The following GNGT2 variants were observed in gnomAD, a reference collection of about 807,000 sequenced individuals.
The protein encoded by GNGT2 is G protein subunit gamma transducin 2.
A neutral mutation model predicts 3.5 loss-of-function variants in GNGT2; 4 were observed. The observed-to-expected ratio is 1.13, with a 90% CI of 0.56 to 2.59. The LOEUF is 2.59. Among genes scored for constraint, GNGT2 ranks in the 30% most tolerant of loss-of-function variants. The probability of loss-of-function intolerance (pLI) is 0.02; values close to 1 mark genes in which losing one functional copy is unlikely to be tolerated. For missense variants in GNGT2, 64 were observed against 81.2 expected (o/e 0.79, Z 0.82); for synonymous variants, 31 against 29.5 (o/e 1.05, Z -0.17).
intron 3 of GNGT2, 127 bp downstream of exon 3, chr17:49,207,212 C>T (rs1309107504): frequency 3.8e-6 from 3 of 791,720 alleles, no homozygotes; most frequent in East Asian, 2.4e-5. Flanking sequence ...CCTACCCCAT[C>T]CCAGAGGTAC....
chr17:49,206,797 T>C lies in GNGT2; in HGVS notation c.170A>G (p.Lys57Arg), dbSNP rs960525700. The change falls in exon 4 of 4, where the codon AAG becomes AGG. Residue 57 changes from lysine (K) to arginine (R), a missense_variant. Physicochemically the swap from Lys to Arg is conservative, Grantham distance 26. Transcript: ENST00000507680. The part of the protein sequence containing the change: ...DPFLKGIPED[K>R]NPFKEKGGCL... The stretch of plus-strand genomic sequence containing the variant: ...GCCACCTTTCTCCTTGAAGGGATTC[T>C]TGTCCTCAGGGATGCCTTTGAGAAA... 12 of 1,613,752 alleles carry C rather than the reference T, an allele frequency of 7.4e-6. No individual in the cohort carries two copies. In the Admixed American group the frequency reaches 1.5e-4, roughly 20 times the overall value.
chr17:49,208,687 A>G (rs2043129109), intron 2 of GNGT2, among the ~76,000 whole-genome samples, 158 bp downstream of exon 2: 1 of 152,128 alleles, frequency 6.6e-6, no homozygotes, highest in Admixed American at 6.5e-5. Flanking sequence ...ATAATATACT[A>G]CCTGGCACAT....
Position 49,206,860 on chromosome 17 carries a change from A to G in GNGT2, c.107T>C (p.Ile36Thr), listed in dbSNP as rs1201692943. ...RIPISKAGKEIKEYVEAQAGN... is the reference protein window; with the variant it reads ...RIPISKAGKETKEYVEAQAGN... ...TGCTTGGGCCTCCACGTACTCCTTG[A>G]TTTCCTTTCCCGCTTTGGAAATCTG... Residue 36 changes from isoleucine to threonine, a missense_variant, in exon 4 of 4, where the codon ATC becomes ACC. Physicochemically the swap from Ile to Thr is moderately conservative, Grantham distance 89. Coordinates refer to ENST00000507680, the MANE Select transcript of GNGT2 (RefSeq NM_001198754.2). 2 of 1,613,804 alleles carry G rather than the reference A, an allele frequency of 1.2e-6. No homozygotes were observed. The highest frequency in any genetic ancestry group is 3.3e-5 in the Admixed American group (2 of 59,948).
chr17:49,207,196 C>A, intron 3 of GNGT2, 143 bp downstream of exon 3: 1 of 753,928 alleles, frequency 1.3e-6, no homozygotes, highest in Non-Finnish European at 2.4e-6. Flanking sequence ...CAGCCTTTCT[C>A]TGCATCCTAC....
chr17:49,208,097 G>A (rs796114051), intron 2 of GNGT2, among the ~76,000 whole-genome samples: 13 of 152,158 alleles, frequency 8.5e-5, no homozygotes, highest in African/African-American at 2.4e-4. Flanking sequence ...CCTGGGAGGC[G>A]AAGGTTGCAG....
rs764490517 is a variant in GNGT2 at position 49,206,787 on chromosome 17, G to A, written c.180C>T (p.Phe60=). The change falls in exon 4 of 4, where the codon TTC becomes TTT. Residue 60 remains phenylalanine, a synonymous_variant. Coordinates refer to ENST00000507680, the MANE Select transcript of GNGT2 (RefSeq NM_001198754.2). The part of the protein sequence containing the change: ...LKGIPEDKNP[F]KEKGGCLIS ...TTATCAGACAGCCACCTTTCTCCTT[G>A]AAGGGATTCTTGTCCTCAGGGATGC... The A allele has an allele frequency of 3.1e-6, 5 of 1,613,868 alleles. No individual in the cohort carries two copies. The South Asian group carries it at 4.4e-5, about 14-fold the overall frequency.
intron 3 of GNGT2, 53 bp from the exon 4 acceptor site, chr17:49,206,935 G>A: frequency 6.2e-7 from 1 of 1,604,750 alleles, no homozygotes; most frequent in Non-Finnish European, 8.5e-7. Context: ...CTGGGTCCAT[G>A]ATTTGGTCAG....
Position 49,210,036 on chromosome 17 carries a change from A to C in GNGT2, c.-133+408T>G, listed in dbSNP as rs910705671. Among the ~76,000 whole-genome samples, 1 of 152,104 alleles carries C rather than the reference A, an allele frequency of 6.6e-6. No homozygotes were observed. Among genetic ancestry groups the C allele is most frequent in the African/African-American group, 2.4e-5 (1 of 41,398 alleles). On this transcript the variant is annotated intron_variant, in intron 1 of 3. Transcript: ENST00000507680. The surrounding 1 kb of genome is among the most constrained non-coding windows in gnomAD (Gnocchi z 4.2). The stretch of plus-strand genomic sequence containing the variant: ...GTCAATTTCATCTTGTCCTGCCTTC[A>C]TCTGCACAGAGCGTGTAGGGCAGAT...
At chr17:49,207,487 C>G (rs779023708) in intron 2 of GNGT2, 43 bp from the exon 3 acceptor site, 3 of 1,069,516 alleles carry the variant, frequency 2.8e-6, no homozygotes, top group Non-Finnish European at 4.4e-6. Context: ...CTCATCAGCT[C>G]TTCCAGCTCC....
chr17:49,207,298 G>C lies in GNGT2; in HGVS notation c.84+41C>G, dbSNP rs751077236. ...CTTCCTCCTTCCCGGGGCTCATCAG[G>C]AACAGGAAGGGAAGAGCAGGGACGG... On this transcript the variant is annotated intron_variant, in intron 3 of 3. Transcript: ENST00000507680. The C allele has an allele frequency of 1.7e-5, 24 of 1,412,322 alleles. No individual in the cohort carries two copies. In the East Asian group the frequency reaches 5.5e-4, roughly 32 times the overall value. The allele number at this position is 1,412,322 out of a possible 1,614,324, so 87.5% of individuals were successfully genotyped here. A position where few individuals can be genotyped will look rare whatever the true frequency, so the allele number is the denominator to read the frequency against.
chr17:49,210,452 C>T lies in GNGT2; in HGVS notation c.-141G>A, dbSNP rs1302584867. 2.8e-6 allele frequency: 1 copy of T among 354,478 alleles called. No homozygotes were observed. The highest frequency in any genetic ancestry group is 6.7e-5 in the South Asian group (1 of 14,916). The allele number at this position is 354,478 out of a possible 1,614,324, so 22.0% of individuals were successfully genotyped here. A position where few individuals can be genotyped will look rare whatever the true frequency, so the allele number is the denominator to read the frequency against. On this transcript the variant is annotated 5_prime_UTR_variant, in exon 1 of 4. Transcript: ENST00000507680. The surrounding 1 kb of genome is among the most constrained non-coding windows in gnomAD (Gnocchi z 4.2). ...ATCACAGCTGCCCCGACCTTGGCTT[C>T]CTCTGCTGGGTGGGATTGGGGGCTG... is the stretch of plus-strand genomic sequence containing the variant.
At chr17:49,208,393 G>A (rs2043124778) in intron 2 of GNGT2, among the ~76,000 whole-genome samples, 1 of 150,616 alleles carries the variant, frequency 6.6e-6, no homozygotes, top group Non-Finnish European at 1.5e-5. Context: ...CCCAGAAGAC[G>A]GAGGTTGCAG....
chr17:49,207,372 C>A lies in GNGT2; in HGVS notation c.51G>T (p.Gln17His), dbSNP rs1213220102. 6.2e-7 allele frequency: 1 copy of A among 1,613,684 alleles called. No individual in the cohort carries two copies. The highest frequency in any genetic ancestry group is 2.2e-5 in the East Asian group (1 of 44,900). Reference sequence around the variant, plus strand: ...TTGTGTTTTTCACTTCTTTCTTCAGCTGCTCCACCTCCATCTTCAACAGGT... The same window carrying A: ...TTGTGTTTTTCACTTCTTTCTTCAGATGCTCCACCTCCATCTTCAACAGGT... ...EKDLLKMEVE[Q>H]LKKEVKNTRI... Residue 17 changes from glutamine to histidine, a missense_variant, in exon 3 of 4, where the codon CAG (glutamine) becomes CAT (histidine). Transcript: ENST00000507680.
chr17:49,206,636 T>C lies in GNGT2; in HGVS notation c.*121A>G. ...GGGGAATGGGTTCACAATGCATTTG[T>C]TCAGGGATCTTTACTCATTCTGTGA... is the stretch of plus-strand genomic sequence containing the variant. On this transcript the variant is annotated 3_prime_UTR_variant, in exon 4 of 4. Coordinates refer to ENST00000507680, the MANE Select transcript of GNGT2 (RefSeq NM_001198754.2). The C allele has an allele frequency of 2.2e-6, 2 of 895,666 alleles. No individual in the cohort carries two copies. The highest frequency in any genetic ancestry group is 3.5e-6 in the Non-Finnish European group (2 of 575,464). 55.5% of individuals were successfully genotyped at this position (895,666 alleles called of 1,614,324 possible).
chr17:49,208,875 C>A lies in GNGT2; in HGVS notation c.-53G>T, dbSNP rs1203886897. On this transcript the variant is annotated 5_prime_UTR_variant, in exon 2 of 4. Transcript: ENST00000507680. ...ACAGAAGAGCACACTCTCCAAGTCA[C>A]TTGTCCTGGACTCAGGTAAGATAGT... 1 of 152,334 alleles carries A rather than the reference C, an allele frequency of 6.6e-6. No homozygotes were observed. The highest frequency in any genetic ancestry group is 2.4e-5 in the African/African-American group (1 of 41,434). The allele number at this position is 152,334 out of a possible 1,614,324, so 9.4% of individuals were successfully genotyped here. A position where few individuals can be genotyped will look rare whatever the true frequency, so the allele number is the denominator to read the frequency against.
rs1022259481 is a variant in GNGT2 at position 49,207,333 on chromosome 17, G to T, written c.84+6C>A. Reference sequence around the variant, plus strand: ...GGAAGAGCAGGGACGGGGCGAGGAGGCTCACCGGAATTCTTGTGTTTTTCA... The same window carrying T: ...GGAAGAGCAGGGACGGGGCGAGGAGTCTCACCGGAATTCTTGTGTTTTTCA... On this transcript the variant is annotated splice_donor_region_variant and intron_variant, in intron 3 of 3. Coordinates refer to ENST00000507680, the MANE Select transcript of GNGT2 (RefSeq NM_001198754.2). The T allele has an allele frequency of 1.9e-6, 3 of 1,599,476 alleles. No homozygotes were observed. The highest frequency in any genetic ancestry group is 3.3e-5 in the Admixed American group (2 of 59,978).
chr17:49,207,641 G>C (rs965325675), intron 2 of GNGT2, among the ~76,000 whole-genome samples, 197 bp from the exon 3 acceptor site: 1 of 152,164 alleles, frequency 6.6e-6, no homozygotes, highest in African/African-American at 2.4e-5. Flanking sequence ...CCAGTCTGAT[G>C]GGGGAGGCAC....
At position 49,207,307 on chromosome 17, in the gene GNGT2, G is replaced by A. The variant is rs919941403; in HGVS notation, c.84+32C>T. 11 of 1,482,710 alleles carry A rather than the reference G, an allele frequency of 7.4e-6. No homozygotes were observed. The Admixed American group carries it at 1.2e-4, about 16-fold the overall frequency. 91.8% of individuals were successfully genotyped at this position (1,482,710 alleles called of 1,614,324 possible). The stretch of plus-strand genomic sequence containing the variant: ...TCCCGGGGCTCATCAGGAACAGGAA[G>A]GGAAGAGCAGGGACGGGGCGAGGAG... On this transcript the variant is annotated intron_variant, in intron 3 of 3. Transcript: ENST00000507680.
rs1690443441 is a variant in GNGT2, at chr17:49,206,814, T to C, written c.153A>G (p.Lys51=). 2 of 1,613,758 alleles carry C rather than the reference T, an allele frequency of 1.2e-6. No individual in the cohort carries two copies. The highest frequency in any genetic ancestry group is 3.3e-5 in the Admixed American group (2 of 59,966). ...AGGGATTCTTGTCCTCAGGGATGCCTTTGAGAAAAGGATCGTTTCCTGCTT... is the reference window on the plus strand; with the variant it reads ...AGGGATTCTTGTCCTCAGGGATGCCCTTGAGAAAAGGATCGTTTCCTGCTT... ...EAQAGNDPFL[K]GIPEDKNPFK... The change falls in exon 4 of 4, where the codon AAA becomes AAG. Residue 51 remains lysine (K), a synonymous_variant. Transcript: ENST00000507680.
Sources: gnomAD v4.1 joint callset for allele counts (sites outside exome capture counted in the v4.1 genomes callset) on GRCh38, gnomAD v4.1.1 for gene constraint, Gnocchi (gnomAD v3.1) non-coding constraint, MANE v1.5 for transcripts, NCBI Gene and HGNC (gene_info 2026-07-23, HGNC 2026-07-21) for gene names.